ZC3H3: variants seen among roughly 807,000 people sequenced by gnomAD.
The protein encoded by ZC3H3 is zinc finger CCCH domain-containing protein 3.
ZC3H3 carries 36 observed loss-of-function variants against 77.3 expected under a neutral mutation model. The ratio of observed to expected loss-of-function variants is 0.47; its 90% CI spans 0.36 to 0.61. The LOEUF (loss-of-function observed/expected upper bound fraction) is 0.61. ZC3H3 is among the 20% of genes least tolerant of loss of function. The probability of loss-of-function intolerance (pLI) is 0.00; values close to 1 mark genes in which losing one functional copy is unlikely to be tolerated. For synonymous variants in ZC3H3, 626 were observed against 555.2 expected (o/e 1.13, Z -1.79); for missense variants, 1,331 against 1,312.2 (o/e 1.01, Z -0.22).
chr8:143,541,240 A>C, intron 1 of ZC3H3, 136 bp downstream of exon 1: 1 of 1,490,856 alleles, frequency 6.7e-7, no homozygotes, highest in Non-Finnish European at 8.9e-7. Context: ...GTCCTGGCGG[A>C]CCCTACCGTC....
intron 4 of ZC3H3, chr8:143,484,958 C>A: frequency 2.3e-6 from 1 of 434,050 alleles, no homozygotes; most frequent in Non-Finnish European, 4.6e-6. Context: ...CTGCAAAAAC[C>A]ACGGGAAAAC....
At position 143,468,679 on chromosome 8, in the gene ZC3H3, G is replaced by A. The variant is rs201173298; in HGVS notation, c.1904-20C>T. The A allele has an allele frequency of 3.3e-4, 515 of 1,545,112 alleles. 3 individuals are homozygous for A. In the South Asian group the frequency reaches 4.0e-3, roughly 12 times the overall value. On this transcript the variant is annotated intron_variant, in intron 5 of 11. Transcript: ENST00000262577. ...GCCGGCCTGTGGGGGAGAGAGGCAC[G>A]GGTCATAGCAGGCCACAGCCTGGCC...
intron 3 of ZC3H3, among the ~76,000 whole-genome samples, chr8:143,517,722 G>C (rs1390632979): frequency 6.6e-6 from 1 of 152,168 alleles, no homozygotes; most frequent in Non-Finnish European, 1.5e-5. Context: ...CACCTGGGAC[G>C]GGCCCTTCCC....
intron 5 of ZC3H3, among the ~76,000 whole-genome samples, chr8:143,473,961 G>A (rs556935553): frequency 2.6e-5 from 4 of 152,280 alleles, no homozygotes; most frequent in Admixed American, 2.0e-4. Flanking sequence ...AGCCCCACAG[G>A]CCACCAAGCT....
At chr8:143,445,373 CTT>C (rs1819839614) in intron 9 of ZC3H3, among the ~76,000 whole-genome samples, 1 of 112,846 alleles carries the variant, frequency 8.9e-6, no homozygotes, top group Non-Finnish European at 1.7e-5. Context: ...AACAGTGAAA[CTT>C]TGTCTTAAGA....
chr8:143,467,504 C>T (rs1185851459), intron 8 of ZC3H3, among the ~76,000 whole-genome samples: 1 of 152,226 alleles, frequency 6.6e-6, no homozygotes, highest in Non-Finnish European at 1.5e-5. Context: ...TTTTCAAGTT[C>T]CTCAAGGGGA....
At chr8:143,452,171 AC>A (rs762336612) in intron 9 of ZC3H3, among the ~76,000 whole-genome samples, 11 of 152,198 alleles carry the variant, frequency 7.2e-5, no homozygotes, top group Non-Finnish European at 1.0e-4. Flanking sequence ...CCTGGACTCA[AC>A]CCTGGCCAGG....
intron 9 of ZC3H3, among the ~76,000 whole-genome samples, chr8:143,453,490 A>G (rs1820039409): frequency 6.6e-6 from 1 of 152,232 alleles, no homozygotes; most frequent in Non-Finnish European, 1.5e-5. Context: ...CTTCAAGCTC[A>G]AAAGAAAGAA....
chr8:143,468,628 A>G lies in ZC3H3; in HGVS notation c.1935T>C (p.Arg645=). The change falls in exon 6 of 12, where the codon CGT becomes CGC. Residue 645 remains arginine, a synonymous_variant. Transcript: ENST00000262577. ...CCCAAAGGCATTACCTGGCCAGGGA[A>G]CGGCTACAGCTGCCTGCAGGATCCA... is the stretch of plus-strand genomic sequence containing the variant. ...GRLDPAGSCS[R]SLASRAVQRS... 6.4e-7 allele frequency: 1 copy of G among 1,556,394 alleles called. No homozygotes were observed. The highest frequency in any genetic ancestry group is 2.4e-5 in the East Asian group (1 of 41,282).
intron 9 of ZC3H3, among the ~76,000 whole-genome samples, chr8:143,451,382 G>A (rs1258911465): frequency 6.6e-6 from 1 of 152,068 alleles, no homozygotes; most frequent in Non-Finnish European, 1.5e-5. Flanking sequence ...GTGAGAAAAC[G>A]CAAATTAAAT....
intron 9 of ZC3H3, among the ~76,000 whole-genome samples, chr8:143,457,235 T>C (rs1453934387): frequency 6.6e-6 from 1 of 152,188 alleles, no homozygotes; most frequent in Non-Finnish European, 1.5e-5. Context: ...ATCTGTATGA[T>C]TTTAATCAAT....
intron 3 of ZC3H3, among the ~76,000 whole-genome samples, chr8:143,513,030 T>C (rs1474475623): frequency 7.8e-6 from 1 of 128,496 alleles, no homozygotes; most frequent in Non-Finnish European, 1.6e-5. Context: ...GGGGACAGCC[T>C]GGGCAGGGGG....
At chr8:143,516,525 TCACACA>T (rs57359541) in intron 3 of ZC3H3, among the ~76,000 whole-genome samples, 3,513 of 139,960 alleles carry the variant, frequency 0.025, 53 homozygotes, top group African/African-American at 0.033. Flanking sequence ...AACTTTGCAA[TCACACA>T]CACACACACA....
At chr8:143,497,419 C>T (rs1213385664) in intron 4 of ZC3H3, among the ~76,000 whole-genome samples, 1 of 152,156 alleles carries the variant, frequency 6.6e-6, no homozygotes, top group African/African-American at 2.4e-5. Context: ...GGAAGCTGCC[C>T]CCGAAGGTGC....
rs149918172 is a variant in ZC3H3 at position 143,443,814 on chromosome 8, G to A, written c.2308-2694C>T. Among the ~76,000 whole-genome samples, 947 of 152,312 alleles carry A rather than the reference G, an allele frequency of 6.2e-3. 6 individuals are homozygous for A. The highest frequency in any genetic ancestry group is 0.01 in the Non-Finnish European group (709 of 68,030). On this transcript the variant is annotated intron_variant, in intron 9 of 11. Coordinates refer to ENST00000262577, the MANE Select transcript of ZC3H3 (RefSeq NM_015117.3). ...GACACCGCACGCTGTGGTAACAAACGTCATGCCAGTATGTTTGAAAACACC... is the reference window on the plus strand; with the variant it reads ...GACACCGCACGCTGTGGTAACAAACATCATGCCAGTATGTTTGAAAACACC...
At chr8:143,503,119 C>G (rs941834183) in intron 4 of ZC3H3, among the ~76,000 whole-genome samples, 2 of 152,220 alleles carry the variant, frequency 1.3e-5, no homozygotes, top group East Asian at 3.8e-4. Context: ...ACATGGCCAG[C>G]ACACCGCCAG....
intron 8 of ZC3H3, among the ~76,000 whole-genome samples, chr8:143,467,058 C>T (rs1482600007): frequency 1.3e-5 from 2 of 151,852 alleles, no homozygotes; most frequent in East Asian, 1.9e-4. Context: ...ATTTAACGAG[C>T]GGGAGTTTAT....
intron 9 of ZC3H3, among the ~76,000 whole-genome samples, chr8:143,441,680 G>C (rs1245409832): frequency 6.6e-6 from 1 of 152,160 alleles, no homozygotes; most frequent in Admixed American, 6.5e-5. Flanking sequence ...GCTCTGGGCA[G>C]CAACATGGCC....
At chr8:143,526,121 C>T (rs1016304767) in intron 3 of ZC3H3, among the ~76,000 whole-genome samples, 1 of 152,256 alleles carries the variant, frequency 6.6e-6, no homozygotes, top group African/African-American at 2.4e-5. Flanking sequence ...AGTGGGGCCA[C>T]AGAGGGCACT....
Sources: allele counts gnomAD v4.1 joint callset (sites outside exome capture counted in the v4.1 genomes callset), GRCh38; gene constraint gnomAD v4.1.1; transcripts MANE v1.5; gene names NCBI Gene and HGNC (gene_info 2026-07-23, HGNC 2026-07-21).